MTR: variants seen among roughly 807,000 people sequenced by gnomAD.
MTR encodes the protein methionine synthase.
A neutral mutation model predicts 154.8 loss-of-function variants in MTR; 84 were observed. The observed-to-expected ratio is 0.54, with a 90% CI of 0.45 to 0.65. The LOEUF (loss-of-function observed/expected upper bound fraction) is 0.65. Among genes scored for constraint, MTR ranks in the 30% least tolerant of loss-of-function variants. MTR has a pLI of 0.00. For synonymous variants in MTR, 554 were observed against 553.9 expected (o/e 1.00, Z 0.00); for missense variants, 1,275 against 1,570.2 (o/e 0.81, Z 3.18).
chr1:236,881,988 GTTAAA>G (rs1665761551), intron 25 of MTR, among the ~76,000 whole-genome samples: 2 of 152,250 alleles, frequency 1.3e-5, no homozygotes, highest in Non-Finnish European at 2.9e-5. Flanking sequence ...CTTACTCTGT[GTTAAA>G]TTAAACTTGT....
intron 32 of MTR, among the ~76,000 whole-genome samples, 192 bp downstream of exon 32, chr1:236,897,310 G>GCGCGCGCGCACACACATA: frequency 7.8e-6 from 1 of 128,614 alleles, no homozygotes; most frequent in Non-Finnish European, 1.7e-5. Flanking sequence ...CCACACACAC[G>GCGCGCGCGCACACACATA]CACACACACA....
At chr1:236,882,884 G>T (rs1665826888) in intron 25 of MTR, among the ~76,000 whole-genome samples, 1 of 152,218 alleles carries the variant, frequency 6.6e-6, no homozygotes, top group Non-Finnish European at 1.5e-5. Flanking sequence ...AAATCATGTG[G>T]GTAACTGCTG....
At chr1:236,815,098 G>T (rs373116439) in intron 6 of MTR, among the ~76,000 whole-genome samples, 1 of 152,126 alleles carries the variant, frequency 6.6e-6, no homozygotes, top group African/African-American at 2.4e-5. Context: ...GCTGTTTTTC[G>T]CAATGATGGA....
At chr1:236,888,066 G>C (rs1362478403) in intron 27 of MTR, among the ~76,000 whole-genome samples, 1 of 152,254 alleles carries the variant, frequency 6.6e-6, no homozygotes, top group African/African-American at 2.4e-5. Flanking sequence ...ATGGGAAAGG[G>C]CTACCGTGAA....
chr1:236,898,603 C>T lies in MTR; in HGVS notation c.*959C>T, dbSNP rs1666789950. On this transcript the variant is annotated 3_prime_UTR_variant, in exon 33 of 33. Transcript: ENST00000366577. Reference sequence around the variant, plus strand: ...TTTACAAAATACAAAAAAGTAGAGACAGGATTTCACTGTGTTAGCCAGGAT... The same window carrying T: ...TTTACAAAATACAAAAAAGTAGAGATAGGATTTCACTGTGTTAGCCAGGAT... 1 of 152,010 alleles carries T rather than the reference C, an allele frequency of 6.6e-6. No homozygotes were observed. The highest frequency in any genetic ancestry group is 1.5e-5 in the Non-Finnish European group (1 of 68,032). The allele number at this position is 152,010 out of a possible 1,614,324, so 9.4% of individuals were successfully genotyped here.
chr1:236,859,055 C>T (rs1304930921), intron 18 of MTR, among the ~76,000 whole-genome samples: 2 of 152,226 alleles, frequency 1.3e-5, no homozygotes, highest in Non-Finnish European at 2.9e-5. Flanking sequence ...ACATGGCTGT[C>T]TTACTCTGTT....
Position 236,810,611 on chromosome 1 carries a change from A to G in MTR, c.502+16A>G. On this transcript the variant is annotated intron_variant, in intron 5 of 32. Coordinates refer to ENST00000366577, the MANE Select transcript of MTR (RefSeq NM_000254.3). ...AGGAACATCAGTGAGTATTTACCAC[A>G]TATAATCATTGATCTTGGGGAAGTA... The G allele has an allele frequency of 6.3e-7, 1 of 1,598,696 alleles. No individual in the cohort carries two copies. Among genetic ancestry groups the G allele is most frequent in the Non-Finnish European group, 8.6e-7 (1 of 1,166,110 alleles).
chr1:236,850,358 C>T lies in MTR; in HGVS notation c.1530C>T (p.Asp510=), dbSNP rs1441266795. The change falls in exon 16 of 33, where the codon GAC becomes GAT. Residue 510 remains aspartate, a synonymous_variant. Transcript: ENST00000366577. ...CTTTTCCCTAGGCAACAGAAACAGA[C>T]ACAAAAATCAGAGTGTGCACCCGGG... ...FDEEGQATET[D]TKIRVCTRAY... 7 of 1,612,876 alleles carry T rather than the reference C, an allele frequency of 4.3e-6. No individual in the cohort carries two copies. Among genetic ancestry groups the T allele is most frequent in the Non-Finnish European group, 5.9e-6 (7 of 1,179,396 alleles).
chr1:236,872,655 T>C lies in MTR; in HGVS notation c.2406-1118T>C, dbSNP rs138445920. ...CCCCTTCTCATTAAAATGAGACCCA[T>C]AGTAGTGCTTTCATGATAGAGTTAC... is the stretch of plus-strand genomic sequence containing the variant. On this transcript the variant is annotated intron_variant, in intron 22 of 32. Transcript: ENST00000366577. 1.6e-4 allele frequency among the ~76,000 whole-genome samples: 25 copies of C among 152,236 alleles called. No individual in the cohort carries two copies. In the East Asian group the frequency reaches 2.7e-3, roughly 16 times the overall value.
intron 12 of MTR, among the ~76,000 whole-genome samples, chr1:236,830,335 A>G (rs1447179422): frequency 1.3e-5 from 2 of 152,200 alleles, no homozygotes; most frequent in Non-Finnish European, 2.9e-5. Context: ...AACTTAGTGC[A>G]TTACTTCAGC....
intron 22 of MTR, among the ~76,000 whole-genome samples, chr1:236,865,781 A>G (rs1199780860): frequency 6.6e-6 from 1 of 151,132 alleles, no homozygotes; most frequent in Non-Finnish European, 1.5e-5. Context: ...AGTATCACTG[A>G]TTTTTTTTTC....
Position 236,810,419 on chromosome 1 carries a change from G to A in MTR, c.410-84G>A. The A allele has an allele frequency of 5.2e-6, 6 of 1,153,354 alleles. No homozygotes were observed. The South Asian group carries it at 7.4e-5, about 14-fold the overall frequency. 71.4% of individuals were successfully genotyped at this position (1,153,354 alleles called of 1,614,324 possible). ...CAAAAGATTATAGACCTGTGTTCCA[G>A]AAAAAAATCTTATTGGCTATTCATT... On this transcript the variant is annotated intron_variant, in intron 4 of 32. Coordinates refer to ENST00000366577, the MANE Select transcript of MTR (RefSeq NM_000254.3).
intron 24 of MTR, among the ~76,000 whole-genome samples, chr1:236,875,952 T>G (rs141054849): frequency 6.6e-6 from 1 of 152,178 alleles, no homozygotes; most frequent in African/African-American, 2.4e-5. Flanking sequence ...AAAGGCAGTC[T>G]AGAGGTGGAA....
chr1:236,867,690 A>C (rs1664895064), intron 22 of MTR, among the ~76,000 whole-genome samples: 1 of 152,204 alleles, frequency 6.6e-6, no homozygotes, highest in Admixed American at 6.5e-5. Flanking sequence ...CAAAATATCA[A>C]CATTAACAGG....
chr1:236,898,946 A>G lies in MTR; in HGVS notation c.*1302A>G, dbSNP rs1289775284. ...GATTGCAGTTATTTCAAAAATTTGC[A>G]TGCAAAATATACACTCATCCTACTT... is the stretch of plus-strand genomic sequence containing the variant. On this transcript the variant is annotated 3_prime_UTR_variant, in exon 33 of 33. Transcript: ENST00000366577. The G allele has an allele frequency of 6.6e-6, 1 of 152,202 alleles. No homozygotes were observed. The highest frequency in any genetic ancestry group is 1.9e-4 in the East Asian group (1 of 5,194). The allele number at this position is 152,202 out of a possible 1,614,324, so 9.4% of individuals were successfully genotyped here.
rs1287210226 is a variant in MTR at position 236,795,741 on chromosome 1, A to C, written c.34+4A>C. On this transcript the variant is annotated splice_donor_region_variant and intron_variant, in intron 1 of 32. Coordinates refer to ENST00000366577, the MANE Select transcript of MTR (RefSeq NM_000254.3). ...CTCCAAGACCTGTCGCAACCCGGTA[A>C]CGCTGCGACCCCGTCTGCGTGGTTG... The C allele has an allele frequency of 6.2e-7, 1 of 1,614,170 alleles. No individual in the cohort carries two copies. The highest frequency in any genetic ancestry group is 2.2e-5 in the East Asian group (1 of 44,882).
Position 236,895,115 on chromosome 1 carries a change from C to A in MTR, c.3406-243C>A. On this transcript the variant is annotated intron_variant, in intron 30 of 32. Coordinates refer to ENST00000366577, the MANE Select transcript of MTR (RefSeq NM_000254.3). ...AATCGTTAATTTTAAGGTCTAAAAT[C>A]TTTAGGTCATTAAGTATGGTCCTTC... 3 of 560,208 alleles carry A rather than the reference C, an allele frequency of 5.4e-6. No homozygotes were observed. In the East Asian group the frequency reaches 9.4e-5, roughly 17 times the overall value. 34.7% of individuals were successfully genotyped at this position (560,208 alleles called of 1,614,324 possible).
At chr1:236,806,300 T>C in intron 3 of MTR, 67 bp downstream of exon 3, 2 of 1,268,732 alleles carry the variant, frequency 1.6e-6, no homozygotes, top group South Asian at 1.2e-5. Context: ...TAGTTGCTAG[T>C]GAGTAAAGCA....
At position 236,859,896 on chromosome 1, in the gene MTR, G is replaced by A; in HGVS notation, c.2017G>A (p.Glu673Lys). 6.2e-7 allele frequency: 1 copy of A among 1,614,004 alleles called. No individual in the cohort carries two copies. The highest frequency in any genetic ancestry group is 1.7e-5 in the Admixed American group (1 of 60,018). ...TGAGTGGAGAAATGGCCCTGTCGAA[G>A]AACGCCTTGAGTATGCCCTTGTGAA... ...TDEWRNGPVEERLEYALVKGI... is the reference protein window; with the variant it reads ...TDEWRNGPVEKRLEYALVKGI... The change falls in exon 19 of 33, where the codon GAA becomes AAA. Residue 673 changes from glutamate to lysine, a missense_variant. Transcript: ENST00000366577.
Sources: allele counts gnomAD v4.1 joint callset (sites outside exome capture counted in the v4.1 genomes callset), GRCh38; gene constraint gnomAD v4.1.1; transcripts MANE v1.5; gene names NCBI Gene and HGNC (gene_info 2026-07-23, HGNC 2026-07-21).